The following SEMA4D variants were observed in gnomAD, a reference collection of about 807,000 sequenced individuals.
SEMA4D encodes semaphorin-4D.
SEMA4D carries 22 observed loss-of-function variants against 74.8 expected under a neutral mutation model. The observed-to-expected ratio is 0.29, with a 90% CI of 0.21 to 0.42. SEMA4D has a LOEUF of 0.42. Ranked by LOEUF, SEMA4D falls within the 10% of genes least tolerant of loss-of-function variation. The pLI is 1.00. For synonymous variants in SEMA4D, 445 were observed against 463.7 expected (o/e 0.96, Z 0.52); for missense variants, 937 against 1,118.4 (o/e 0.84, Z 2.31).
intron 2 of SEMA4D, among the ~76,000 whole-genome samples, chr9:89,430,723 T>C (rs1207211931): frequency 6.6e-6 from 1 of 152,224 alleles, no homozygotes; most frequent in Non-Finnish European, 1.5e-5. Flanking sequence ...AAGCCTGTAA[T>C]CCCAGCACTT....
intron 3 of SEMA4D, among the ~76,000 whole-genome samples, 180 bp downstream of exon 3, chr9:89,405,171 C>T (rs1248319100): frequency 3.3e-5 from 5 of 151,408 alleles, no homozygotes; most frequent in African/African-American, 9.7e-5. Flanking sequence ...GTCCCCATCC[C>T]GTCCTCAGCC....
intron 1 of SEMA4D, among the ~76,000 whole-genome samples, chr9:89,483,182 G>A (rs1407739922): frequency 6.6e-6 from 1 of 152,242 alleles, no homozygotes; most frequent in African/African-American, 2.4e-5. Flanking sequence ...CAGCCCCACA[G>A]AACATCCAGG....
rs181097709 is a variant in SEMA4D, at chr9:89,436,816, A to G, written c.-244+19072T>C. Reference sequence around the variant, plus strand: ...AGCAGCAGGTCGCCTGGCGAGGGCAAGCTCCTGGGTGCCTGAGGACCCTGC... The same window carrying G: ...AGCAGCAGGTCGCCTGGCGAGGGCAGGCTCCTGGGTGCCTGAGGACCCTGC... On this transcript the variant is annotated intron_variant, in intron 2 of 15. Coordinates refer to ENST00000422704, the MANE Select transcript of SEMA4D (RefSeq NM_001371194.2). Among the ~76,000 whole-genome samples the G allele has an allele frequency of 7.3e-3, 1,110 of 152,348 alleles. 12 individuals are homozygous for G. The highest frequency in any genetic ancestry group is 0.025 in the African/African-American group (1,058 of 41,572).
intron 2 of SEMA4D, among the ~76,000 whole-genome samples, chr9:89,429,857 G>A (rs1055745774): frequency 7.9e-5 from 12 of 152,200 alleles, no homozygotes; most frequent in Admixed American, 2.6e-4. Flanking sequence ...TCTACATGGT[G>A]GATGGAGTGG....
At chr9:89,455,524 G>A (rs1159137139) in intron 2 of SEMA4D, among the ~76,000 whole-genome samples, 1 of 152,148 alleles carries the variant, frequency 6.6e-6, no homozygotes, top group Non-Finnish European at 1.5e-5. Flanking sequence ...CCAGGCAGGG[G>A]CACCTCCTCA....
At chr9:89,430,237 G>C (rs1471719839) in intron 2 of SEMA4D, among the ~76,000 whole-genome samples, 1 of 151,930 alleles carries the variant, frequency 6.6e-6, no homozygotes, top group Non-Finnish European at 1.5e-5. Context: ...TCCCACTTGG[G>C]GCCAGAAACT....
chr9:89,486,210 T>C (rs1191660926), intron 1 of SEMA4D, among the ~76,000 whole-genome samples: 1 of 152,216 alleles, frequency 6.6e-6, no homozygotes, highest in African/African-American at 2.4e-5. Flanking sequence ...TGCATAATTA[T>C]GCTGAGTGAA....
intron 16 of SEMA4D, chr9:89,364,703 A>G (rs1833320936): frequency 6.5e-6 from 1 of 152,736 alleles, no homozygotes; most frequent in Non-Finnish European, 1.5e-5. Flanking sequence ...TACTTCACAC[A>G]CACTCAGACC....
At chr9:89,488,474 G>A (rs1275988071) in intron 1 of SEMA4D, among the ~76,000 whole-genome samples, 1 of 140,980 alleles carries the variant, frequency 7.1e-6, no homozygotes, top group African/African-American at 2.6e-5. Flanking sequence ...CCAGGTTCAA[G>A]TGATTCTCCT....
intron 1 of SEMA4D, among the ~76,000 whole-genome samples, chr9:89,480,847 A>T (rs939662529): frequency 6.6e-6 from 1 of 152,218 alleles, no homozygotes; most frequent in Non-Finnish European, 1.5e-5. Context: ...GGCCTTGGCC[A>T]GCCCAGAAAG....
chr9:89,444,982 T>C (rs1195849912), intron 2 of SEMA4D, among the ~76,000 whole-genome samples: 1 of 152,014 alleles, frequency 6.6e-6, no homozygotes, highest in Admixed American at 6.5e-5. Flanking sequence ...CAACAGGCGA[T>C]TCACAGAAGA....
At chr9:89,388,280 A>T (rs1838998747) in intron 11 of SEMA4D, among the ~76,000 whole-genome samples, 1 of 152,254 alleles carries the variant, frequency 6.6e-6, no homozygotes, top group African/African-American at 2.4e-5. Context: ...CACTATATTT[A>T]GGAGGAAAAA....
intron 13 of SEMA4D, among the ~76,000 whole-genome samples, chr9:89,383,881 C>T (rs188029235): frequency 2.0e-5 from 3 of 152,290 alleles, no homozygotes; most frequent in Admixed American, 1.3e-4. Flanking sequence ...CCCCTGTCTC[C>T]GCCTTCCCTG....
At chr9:89,366,841 A>G (rs1833749648) in intron 16 of SEMA4D, among the ~76,000 whole-genome samples, 1 of 152,194 alleles carries the variant, frequency 6.6e-6, no homozygotes. Context: ...ACCTGCACCA[A>G]GAACCACCCA....
In SEMA4D at chr9:89,399,271, T is replaced by C. The variant is rs1246432505; in HGVS notation, c.315+5A>G. Reference sequence around the variant, plus strand: ...GATTCTTTGTAGCTTGCAAAAGAAATTTACCTGTTTTGATTTCCCCTTTTC... The same window carrying C: ...GATTCTTTGTAGCTTGCAAAAGAAACTTACCTGTTTTGATTTCCCCTTTTC... On this transcript the variant is annotated splice_donor_5th_base_variant and intron_variant, in intron 5 of 15. Transcript: ENST00000422704. The C allele has an allele frequency of 6.2e-7, 1 of 1,611,800 alleles. No individual in the cohort carries two copies. The highest frequency in any genetic ancestry group is 8.5e-7 in the Non-Finnish European group (1 of 1,177,846).
chr9:89,477,504 C>A (rs1862069201), intron 1 of SEMA4D, among the ~76,000 whole-genome samples: 1 of 152,208 alleles, frequency 6.6e-6, no homozygotes, highest in Admixed American at 6.5e-5. Flanking sequence ...ACACACAGCA[C>A]ACACAAGGGC....
chr9:89,426,075 C>T (rs1333246369), intron 2 of SEMA4D, among the ~76,000 whole-genome samples: 1 of 152,228 alleles, frequency 6.6e-6, no homozygotes, highest in Non-Finnish European at 1.5e-5. Context: ...CCCTAGTCCC[C>T]ACCAAGTGTC....
At position 89,379,180 on chromosome 9, in the gene SEMA4D, C is replaced by G; in HGVS notation, c.2113G>C (p.Gly705Arg). The G allele has an allele frequency of 6.2e-7, 1 of 1,613,982 alleles. No homozygotes were observed. The highest frequency in any genetic ancestry group is 8.5e-7 in the Non-Finnish European group (1 of 1,179,982). The change falls in exon 16 of 16, where the codon GGC (glycine) becomes CGC (arginine). Residue 705 changes from glycine to arginine, a missense_variant. Coordinates refer to ENST00000422704, the MANE Select transcript of SEMA4D (RefSeq NM_001371194.2). ...ITLPPKPAPTGTSCEPKIVIN... is the reference protein window; with the variant it reads ...ITLPPKPAPTRTSCEPKIVIN... ...ACGATCTTTGGTTCGCAGGATGTGC[C>G]GGTGGGCGCAGGCTTGGGAGGAAGG... is the stretch of plus-strand genomic sequence containing the variant.
chr9:89,495,357 C>G (rs977883772), intron 1 of SEMA4D, among the ~76,000 whole-genome samples: 1 of 152,182 alleles, frequency 6.6e-6, no homozygotes, highest in African/African-American at 2.4e-5. Context: ...AAACACCACC[C>G]AGCTTCCAGG....
Sources: gnomAD v4.1 joint callset for allele counts (sites outside exome capture counted in the v4.1 genomes callset) on GRCh38, gnomAD v4.1.1 for gene constraint, MANE v1.5 for transcripts, NCBI Gene and HGNC (gene_info 2026-07-23, HGNC 2026-07-21) for gene names.